The following CNTNAP2 variants were observed in gnomAD, a reference collection of about 807,000 sequenced individuals.
CNTNAP2 encodes the protein contactin associated protein 2.
Under a neutral mutation model 155.2 loss-of-function variants are expected in CNTNAP2, and 98 were observed. The observed-to-expected ratio is 0.63, with a 90% CI of 0.54 to 0.75. CNTNAP2 has a LOEUF of 0.75. Ranked by LOEUF, CNTNAP2 falls within the 30% of genes least tolerant of loss-of-function variation. The pLI, the probability that CNTNAP2 is intolerant of heterozygous loss-of-function variation, is 0.00. For synonymous variants in CNTNAP2, 651 were observed against 631.2 expected, an observed-to-expected ratio of 1.03 and a Z score of -0.47; for missense variants, 1,727 against 1,688.1, an observed-to-expected ratio of 1.02 and a Z score of -0.40.
intron 13 of CNTNAP2, among the ~76,000 whole-genome samples, chr7:147,680,446 A>G (rs941079384): frequency 4.6e-5 from 7 of 151,900 alleles, no homozygotes; most frequent in African/African-American, 1.7e-4. Flanking sequence ...TCAGCCAACA[A>G]TATGTCCTGG....
At chr7:147,391,841 A>G (rs1796723678) in intron 9 of CNTNAP2, among the ~76,000 whole-genome samples, 1 of 149,350 alleles carries the variant, frequency 6.7e-6, no homozygotes, top group South Asian at 2.1e-4. Flanking sequence ...TTGCTTAGAA[A>G]TGTGATTTCT....
At position 148,247,386 on chromosome 7, in the gene CNTNAP2, G is replaced by A. The variant is rs377654454; in HGVS notation, c.3381+17607G>A. Among the ~76,000 whole-genome samples the A allele has an allele frequency of 7.2e-5, 11 of 151,962 alleles. No homozygotes were observed. In the East Asian group the frequency reaches 7.7e-4, roughly 11 times the overall value. On this transcript the variant is annotated intron_variant, in intron 20 of 23. Transcript: ENST00000361727. ...CCCTCGACCCTTCTCCACCAAACCC[G>A]TCTTGCTTACTCCAGGGCATTGCTG...
At chr7:148,406,337 ATCAC>A (rs1342528844) in intron 22 of CNTNAP2, among the ~76,000 whole-genome samples, 2 of 152,250 alleles carry the variant, frequency 1.3e-5, no homozygotes, top group Non-Finnish European at 2.9e-5. Context: ...GACAGGAAAT[ATCAC>A]TCACTCACAA....
intron 14 of CNTNAP2, among the ~76,000 whole-genome samples, chr7:147,977,425 A>G (rs10952719): frequency 0.35 from 53,760 of 151,840 alleles, 9,729 homozygotes; most frequent in East Asian, 0.57. Flanking sequence ...TATTTAACTC[A>G]TGTACAATAG....
intron 3 of CNTNAP2, among the ~76,000 whole-genome samples, chr7:146,930,330 G>A (rs187043942): frequency 6.6e-6 from 1 of 151,978 alleles, no homozygotes; most frequent in Non-Finnish European, 1.5e-5. Context: ...TTCATATCCA[G>A]CCAAACTAAG....
intron 1 of CNTNAP2, among the ~76,000 whole-genome samples, chr7:146,664,883 G>A (rs958852356): frequency 6.6e-6 from 1 of 151,934 alleles, no homozygotes; most frequent in Admixed American, 6.6e-5. Flanking sequence ...TGCATGTGTC[G>A]ACTTCATCCA....
At chr7:146,392,874 C>A (rs1398492499) in intron 1 of CNTNAP2, among the ~76,000 whole-genome samples, 1 of 152,074 alleles carries the variant, frequency 6.6e-6, no homozygotes, top group Non-Finnish European at 1.5e-5. Flanking sequence ...TTCAAATCTT[C>A]CGTTGAAAGA....
intron 13 of CNTNAP2, among the ~76,000 whole-genome samples, chr7:147,656,021 C>T (rs748607793): frequency 7.2e-5 from 11 of 152,248 alleles, no homozygotes; most frequent in Non-Finnish European, 1.3e-4. Context: ...TCACTTTGCA[C>T]TCTCACATTA....
At position 147,880,019 on chromosome 7, in the gene CNTNAP2, A is replaced by C. The variant is rs1421887247; in HGVS notation, c.2099-23546A>C. The stretch of plus-strand genomic sequence containing the variant: ...ATTGAAAACAGTGGTGATGAGATCC[A>C]GTTCTCCAATATTCCTCTCCTAGAC... On this transcript the variant is annotated intron_variant, in intron 13 of 23. Transcript: ENST00000361727. 2.0e-5 allele frequency among the ~76,000 whole-genome samples: 3 copies of C among 152,250 alleles called. No homozygotes were observed. In the East Asian group the frequency reaches 5.8e-4, roughly 29 times the overall value.
intron 9 of CNTNAP2, among the ~76,000 whole-genome samples, chr7:147,382,002 C>T (rs2620482): frequency 0.13 from 19,609 of 151,848 alleles, 1,522 homozygotes; most frequent in East Asian, 0.32. Context: ...AATATGGCTA[C>T]TCTAAATGGT....
chr7:146,744,945 G>A (rs1028087993), intron 1 of CNTNAP2, among the ~76,000 whole-genome samples: 2 of 152,104 alleles, frequency 1.3e-5, no homozygotes, highest in Non-Finnish European at 2.9e-5. Context: ...AAGCTAAAAA[G>A]ATTGGCTTTT....
chr7:146,312,066 G>A (rs1472648088), intron 1 of CNTNAP2, among the ~76,000 whole-genome samples: 2 of 152,106 alleles, frequency 1.3e-5, no homozygotes, highest in Non-Finnish European at 2.9e-5. Flanking sequence ...AACCTATCCA[G>A]CGTTTTTCTG....
At chr7:146,708,238 G>A (rs939074780) in intron 1 of CNTNAP2, among the ~76,000 whole-genome samples, 6 of 152,164 alleles carry the variant, frequency 3.9e-5, no homozygotes, top group Admixed American at 3.3e-4. Flanking sequence ...GGCTCTGCTT[G>A]CAGTGAAGCT....
At chr7:146,181,561 C>A (rs1798549763) in intron 1 of CNTNAP2, among the ~76,000 whole-genome samples, 1 of 152,070 alleles carries the variant, frequency 6.6e-6, no homozygotes, top group Non-Finnish European at 1.5e-5. Context: ...CATCCAATAA[C>A]TTTTTTTCTC....
At chr7:146,310,882 C>G (rs188377841) in intron 1 of CNTNAP2, among the ~76,000 whole-genome samples, 1 of 152,182 alleles carries the variant, frequency 6.6e-6, no homozygotes, top group African/African-American at 2.4e-5. Context: ...CCATATAAAA[C>G]CCTTAAGAGG....
At chr7:146,929,203 T>C (rs1372612852) in intron 3 of CNTNAP2, among the ~76,000 whole-genome samples, 1 of 152,190 alleles carries the variant, frequency 6.6e-6, no homozygotes, top group Non-Finnish European at 1.5e-5. Context: ...AGGGGCAGAC[T>C]GACACCTCAC....
chr7:147,378,941 A>T (rs1796487525), intron 9 of CNTNAP2, among the ~76,000 whole-genome samples: 1 of 151,930 alleles, frequency 6.6e-6, no homozygotes, highest in Non-Finnish European at 1.5e-5. Flanking sequence ...ATGTCGTGGG[A>T]GGGACCCAGT....
rs113864935 is a variant in CNTNAP2 at position 147,351,580 on chromosome 7, C to G, written c.1499-44029C>G. Among the ~76,000 whole-genome samples the G allele has an allele frequency of 1.5e-3, 229 of 151,814 alleles. 2 individuals carry two copies. The highest frequency in any genetic ancestry group is 5.3e-3 in the African/African-American group (219 of 41,470). On this transcript the variant is annotated intron_variant, in intron 9 of 23. Transcript: ENST00000361727. Reference sequence around the variant, plus strand: ...TTGTATTTCTGTAATTAACATTTCTCTAGAAAACAGTGTTAAATATATATT... The same window carrying G: ...TTGTATTTCTGTAATTAACATTTCTGTAGAAAACAGTGTTAAATATATATT...
At chr7:147,844,961 G>A (rs200488484) in intron 13 of CNTNAP2, among the ~76,000 whole-genome samples, 136 of 138,982 alleles carry the variant, frequency 9.8e-4, no homozygotes, top group Admixed American at 1.5e-3. Context: ...GATCATGGTG[G>A]ATAAGCTTTT....
Sources: gnomAD v4.1 joint callset for allele counts (sites outside exome capture counted in the v4.1 genomes callset) on GRCh38, gnomAD v4.1.1 for gene constraint, MANE v1.5 for transcripts, NCBI Gene and HGNC (gene_info 2026-07-23, HGNC 2026-07-21) for gene names.